FAM47E: variants seen among roughly 807,000 people sequenced by gnomAD.
The protein encoded by FAM47E is protein FAM47E.
FAM47E carries 32 observed loss-of-function variants against 41.6 expected under a neutral mutation model. That is an observed-to-expected ratio of 0.77 (90% confidence interval 0.58 to 1.03). FAM47E has a LOEUF of 1.03. FAM47E is among the 50% of genes least tolerant of loss of function. The pLI is 0.00. For synonymous variants in FAM47E, 184 were observed against 188.7 expected, an observed-to-expected ratio of 0.98 and a Z score of 0.20; for missense variants, 424 against 485.4, an observed-to-expected ratio of 0.87 and a Z score of 1.19.
At chr4:76,219,260 T>C (rs1332741307) in intron 2 of FAM47E, among the ~76,000 whole-genome samples, 1 of 152,236 alleles carries the variant, frequency 6.6e-6, no homozygotes, top group African/African-American at 2.4e-5. Context: ...TGCCTCTGCC[T>C]GAACCTGATG....
At chr4:76,267,586 C>T (rs1289820102) in intron 3 of FAM47E, 1 of 152,200 alleles carries the variant, frequency 6.6e-6, no homozygotes, top group Non-Finnish European at 1.5e-5. Flanking sequence ...TCATGAATAT[C>T]CATAGCAGCA....
intron 2 of FAM47E, among the ~76,000 whole-genome samples, chr4:76,237,447 T>A (rs1733612361): frequency 6.6e-6 from 1 of 150,674 alleles, no homozygotes; most frequent in Non-Finnish European, 1.5e-5. Context: ...TATATAGGAC[T>A]CAGAGTTAAT....
Position 76,278,081 on chromosome 4 carries a change from C to A in FAM47E, c.883C>A (p.Pro295Thr). Residue 295 changes from proline (P) to threonine (T), a missense_variant, in exon 6 of 8, where the codon CCA (proline) becomes ACA (threonine). Pro to Thr is a conservative substitution (Grantham distance 38). Coordinates refer to ENST00000424749, the MANE Select transcript of FAM47E (RefSeq NM_001136570.3). ...KLQKPQNPYK[P>T]KWVKMRYGAW... is the part of the protein sequence containing the mutation. ...TTACTTTCCACAGAATCCTTATAAG[C>A]CAAAGTGGGTGAAGATGAGGTATGG... 1 of 1,511,832 alleles carries A rather than the reference C, an allele frequency of 6.6e-7. No individual in the cohort carries two copies. Among genetic ancestry groups the A allele is most frequent in the Non-Finnish European group, 8.8e-7 (1 of 1,134,384 alleles). 93.7% of individuals were successfully genotyped at this position (1,511,832 alleles called of 1,614,324 possible).
intron 3 of FAM47E, among the ~76,000 whole-genome samples, chr4:76,264,174 A>T (rs1364069795): frequency 1.3e-5 from 2 of 152,138 alleles, no homozygotes; most frequent in South Asian, 4.1e-4. Flanking sequence ...CCTTTAATTC[A>T]AAAGTGCTCA....
At chr4:76,243,067 C>T (rs1733744512) in intron 2 of FAM47E, among the ~76,000 whole-genome samples, 1 of 152,192 alleles carries the variant, frequency 6.6e-6, no homozygotes, top group Non-Finnish European at 1.5e-5. Context: ...AGAGGGTTCT[C>T]TTGCCCTATT....
intron 7 of FAM47E, chr4:76,282,504 G>A (rs535927367): frequency 1.3e-5 from 2 of 152,226 alleles, no homozygotes; most frequent in African/African-American, 4.8e-5. Flanking sequence ...TTCATAGGCT[G>A]TCTGCAGGGG....
intron 5 of FAM47E, among the ~76,000 whole-genome samples, chr4:76,276,360 T>TG (rs1322954532): frequency 1.2e-4 from 7 of 57,722 alleles, no homozygotes; most frequent in African/African-American, 4.3e-4. Context: ...GGTTACTTTT[T>TG]TTTGTTTGTT....
chr4:76,267,811 A>G (rs1435327008), intron 3 of FAM47E: 1 of 152,240 alleles, frequency 6.6e-6, no homozygotes, highest in African/African-American at 2.4e-5. Context: ...GCATGGTTCC[A>G]TTCAGATGAA....
intron 1 of FAM47E, among the ~76,000 whole-genome samples, chr4:76,252,100 G>T (rs548028540): frequency 3.0e-4 from 45 of 152,298 alleles, no homozygotes; most frequent in African/African-American, 1.1e-3. Context: ...GATGGCCGCA[G>T]AGTCCGCTGC....
upstream of FAM47E, among the ~76,000 whole-genome samples, chr4:76,250,777 CT>C (rs1332589556): frequency 6.6e-6 from 1 of 152,184 alleles, no homozygotes; most frequent in Non-Finnish European, 1.5e-5. Flanking sequence ...TCTCCATTAA[CT>C]AACTCACAAC....
intron 3 of FAM47E, chr4:76,267,855 A>G (rs529174558): frequency 6.6e-6 from 1 of 152,302 alleles, no homozygotes; most frequent in South Asian, 2.1e-4. Context: ...GGAGACAGAA[A>G]AGTAGGTTAG....
chr4:76,223,573 G>A (rs531931986), intron 2 of FAM47E, among the ~76,000 whole-genome samples: 2 of 152,050 alleles, frequency 1.3e-5, no homozygotes, highest in East Asian at 1.9e-4. Flanking sequence ...ATCCCAAGAC[G>A]TTGCATTGGA....
Position 76,217,610 on chromosome 4 carries a change from GC to G in FAM47E, c.4del (p.Gln2ArgfsTer55), listed in dbSNP as rs1427384114. ...AAGCAGCCTGAGGCCCTCATCCAAT[GC>G]AGATGTCTGTGCCGTGCGTCTTGTC... On this transcript the variant is annotated frameshift_variant, in exon 2 of 8. Coordinates refer to the FAM47E transcript ENST00000510197. LOFTEE classifies it high-confidence loss of function. 1.7e-6 allele frequency: 1 copy of G among 597,502 alleles called. No homozygotes were observed. The highest frequency in any genetic ancestry group is 3.0e-6 in the Non-Finnish European group (1 of 328,594). 37.0% of individuals were successfully genotyped at this position (597,502 alleles called of 1,614,324 possible).
intron 1 of FAM47E, among the ~76,000 whole-genome samples, chr4:76,215,268 T>G (rs1198535825): frequency 2.0e-5 from 3 of 152,226 alleles, no homozygotes; most frequent in Non-Finnish European, 4.4e-5. Context: ...CATTTTACAC[T>G]CAAGAACACT....
intron 5 of FAM47E, among the ~76,000 whole-genome samples, chr4:76,272,882 T>C (rs1734950066): frequency 6.6e-6 from 1 of 152,172 alleles, no homozygotes; most frequent in Admixed American, 6.5e-5. Flanking sequence ...GAAAATATAT[T>C]TCCACATAAT....
chr4:76,269,152 CCTT>C lies in FAM47E; in HGVS notation c.669+385_669+387del. On this transcript the variant is annotated intron_variant, in intron 4 of 7. Transcript: ENST00000424749. ...ACCTAGAAGTACTCTGGCAGGTACT[CCTT>C]GATTATAATCTTCACACAAAAATGT... 1.6e-5 allele frequency: 3 copies of C among 190,158 alleles called. No homozygotes were observed. In the South Asian group the frequency reaches 3.6e-4, roughly 23 times the overall value. 11.8% of individuals were successfully genotyped at this position (190,158 alleles called of 1,614,324 possible).
At chr4:76,217,509 C>T (rs920870749) in intron 1 of FAM47E, 2 of 416,224 alleles carry the variant, frequency 4.8e-6, no homozygotes, top group Non-Finnish European at 4.3e-6. Context: ...CTGGCACCTC[C>T]TCCTTCTCTC....
chr4:76,230,696 G>A (rs1351060519), intron 2 of FAM47E, among the ~76,000 whole-genome samples: 1 of 152,006 alleles, frequency 6.6e-6, no homozygotes. Context: ...TTCCATCCCC[G>A]AGTCCAGGCG....
At chr4:76,214,691 A>G (rs1733166350) in intron 1 of FAM47E, among the ~76,000 whole-genome samples, 1 of 152,230 alleles carries the variant, frequency 6.6e-6, no homozygotes, top group South Asian at 2.1e-4. Flanking sequence ...CCAGGACTCA[A>G]GAAGTGTTCG....
Sources: gnomAD v4.1 joint callset for allele counts (sites outside exome capture counted in the v4.1 genomes callset) on GRCh38, gnomAD v4.1.1 for gene constraint, MANE v1.5 for transcripts, NCBI Gene and HGNC (gene_info 2026-07-23, HGNC 2026-07-21) for gene names.